Variants in NAALADL2 observed in about 807,000 individuals in gnomAD.
NAALADL2 encodes the protein inactive N-acetylated-alpha-linked acidic dipeptidase-like protein 2.
In NAALADL2, 76 loss-of-function variants were observed where a neutral mutation model predicts 87.2. That is an observed-to-expected ratio of 0.87 (90% CI 0.72 to 1.05). The LOEUF is 1.05. NAALADL2 is among the 50% of genes least tolerant of loss of function. The pLI is 0.00. For synonymous variants in NAALADL2, 354 were observed against 331.0 expected (o/e 1.07, Z -0.75); for missense variants, 1,089 against 945.8 (o/e 1.15, Z -1.99).
intron 2 of NAALADL2, among the ~76,000 whole-genome samples, chr3:175,165,504 T>G (rs889388151): frequency 1.3e-5 from 2 of 152,154 alleles, no homozygotes; most frequent in Non-Finnish European, 2.9e-5. Context: ...AATAAAATCA[T>G]GGACTTACAC....
intron 2 of NAALADL2, among the ~76,000 whole-genome samples, chr3:174,728,158 T>G (rs1195605470): frequency 6.6e-6 from 1 of 152,090 alleles, no homozygotes; most frequent in African/African-American, 2.4e-5. Context: ...TTGGCAATTA[T>G]TAATAAAGAT....
chr3:175,309,460 A>G (rs1249810459), intron 4 of NAALADL2, among the ~76,000 whole-genome samples: 1 of 152,206 alleles, frequency 6.6e-6, no homozygotes, highest in African/African-American at 2.4e-5. Context: ...TTCTGGGATT[A>G]CAGGCATGAG....
intron 3 of NAALADL2, among the ~76,000 whole-genome samples, chr3:174,829,465 A>G (rs1184568760): frequency 3.6e-5 from 5 of 139,126 alleles, no homozygotes; most frequent in Non-Finnish European, 6.2e-5. Flanking sequence ...TTATGGCTGC[A>G]TAGTATTCCA....
intron 2 of NAALADL2, among the ~76,000 whole-genome samples, chr3:175,211,365 A>G (rs1430937388): frequency 6.6e-6 from 1 of 151,970 alleles, no homozygotes; most frequent in Admixed American, 6.6e-5. Flanking sequence ...GATGGAAATG[A>G]ATAATAAAAA....
chr3:174,906,061 A>G (rs1732916062), intron 1 of NAALADL2, among the ~76,000 whole-genome samples: 1 of 152,090 alleles, frequency 6.6e-6, no homozygotes, highest in Admixed American at 6.6e-5. Flanking sequence ...ACAGTTTAAT[A>G]CTACAATATA....
chr3:175,469,642 A>C (rs1471455089), intron 8 of NAALADL2, among the ~76,000 whole-genome samples: 1 of 152,048 alleles, frequency 6.6e-6, no homozygotes, highest in African/African-American at 2.4e-5. Flanking sequence ...TCTGTGAAGA[A>C]TCCTCGTTTG....
chr3:175,167,964 AC>A (rs2108887924), intron 2 of NAALADL2, among the ~76,000 whole-genome samples: 1 of 152,104 alleles, frequency 6.6e-6, no homozygotes, highest in Non-Finnish European at 1.5e-5. Context: ...TGTATTAATG[AC>A]CCAGAACAAA....
At chr3:174,850,022 G>T (rs1725074234) in intron 3 of NAALADL2, among the ~76,000 whole-genome samples, 1 of 152,024 alleles carries the variant, frequency 6.6e-6, no homozygotes, top group Non-Finnish European at 1.5e-5. Flanking sequence ...ATTTATTGTT[G>T]CTTGTTAACA....
At chr3:174,546,786 T>C (rs1030565125) in intron 1 of NAALADL2, among the ~76,000 whole-genome samples, 1 of 152,134 alleles carries the variant, frequency 6.6e-6, no homozygotes, top group African/African-American at 2.4e-5. Context: ...GCCTCTGGAG[T>C]AGCTGAGACT....
At chr3:175,498,060 G>A (rs1164724372) in intron 9 of NAALADL2, among the ~76,000 whole-genome samples, 4 of 152,006 alleles carry the variant, frequency 2.6e-5, no homozygotes, top group Admixed American at 2.6e-4. Flanking sequence ...ACTGAAGAAT[G>A]TATCAGAGTC....
intron 9 of NAALADL2, among the ~76,000 whole-genome samples, chr3:175,539,083 A>AT (rs1711815170): frequency 6.6e-6 from 1 of 152,206 alleles, no homozygotes; most frequent in Non-Finnish European, 1.5e-5. Context: ...TTAGACCTAC[A>AT]TGACTGTTGT....
chr3:174,688,608 T>C (rs981691053), intron 2 of NAALADL2, among the ~76,000 whole-genome samples: 53 of 152,160 alleles, frequency 3.5e-4, no homozygotes, highest in Middle Eastern at 3.4e-3. Flanking sequence ...AACTGAGAAA[T>C]TGCAATAAAT....
In NAALADL2 at chr3:174,774,729, C is replaced by T. The variant is rs146728460; in HGVS notation, c.-9+36983C>T. 6.3e-3 allele frequency among the ~76,000 whole-genome samples: 955 copies of T among 152,332 alleles called. 9 individuals are homozygous for T. Among genetic ancestry groups the T allele is most frequent in the Middle Eastern group, 0.027 (8 of 294 alleles). ...ACATGCTGTTGCAGGTACATACTTA[C>T]ATACACACCTACAAATACAGTAGAT... On this transcript the variant is annotated intron_variant, in intron 3 of 3. Transcript: ENST00000434257.
intron 2 of NAALADL2, among the ~76,000 whole-genome samples, chr3:174,669,247 G>T (rs1048081742): frequency 8.8e-6 from 1 of 113,446 alleles, no homozygotes; most frequent in South Asian, 3.0e-4. Context: ...CATATCCTTC[G>T]CCTACTTTTT....
At chr3:175,094,663 T>C (rs1720789799) in intron 1 of NAALADL2, among the ~76,000 whole-genome samples, 1 of 151,728 alleles carries the variant, frequency 6.6e-6, no homozygotes, top group South Asian at 2.1e-4. Context: ...AAAAGCAATG[T>C]AGAGCCATGA....
At chr3:174,704,334 A>G (rs1010261861) in intron 2 of NAALADL2, among the ~76,000 whole-genome samples, 3 of 152,238 alleles carry the variant, frequency 2.0e-5, no homozygotes, top group Non-Finnish European at 4.4e-5. Flanking sequence ...ATTCTATGGT[A>G]TATCAGTATG....
intron 1 of NAALADL2, among the ~76,000 whole-genome samples, chr3:175,016,455 T>C (rs1750830038): frequency 6.6e-6 from 1 of 151,452 alleles, no homozygotes; most frequent in South Asian, 2.1e-4. Flanking sequence ...TTCCAGTTTT[T>C]TATATGAGTA....
At chr3:174,914,358 C>T (rs1191958773) in intron 1 of NAALADL2, among the ~76,000 whole-genome samples, 7 of 152,038 alleles carry the variant, frequency 4.6e-5, no homozygotes, top group African/African-American at 1.2e-4. Context: ...CCACCATGCC[C>T]GGCCTGGCTT....
At chr3:175,802,600 CT>C (rs1754306858) in intron 13 of NAALADL2, among the ~76,000 whole-genome samples, 1 of 151,942 alleles carries the variant, frequency 6.6e-6, no homozygotes, top group African/African-American at 2.4e-5. Context: ...GGTCATTTGT[CT>C]TATAAAGTTT....
Sources: allele counts gnomAD v4.1 joint callset (sites outside exome capture counted in the v4.1 genomes callset), GRCh38; gene constraint gnomAD v4.1.1; transcripts MANE v1.5; gene names NCBI Gene and HGNC (gene_info 2026-07-23, HGNC 2026-07-21).